The following TSHZ1 variants were observed in gnomAD, a reference collection of about 807,000 sequenced individuals.
The protein encoded by TSHZ1 is teashirt homolog 1.
A neutral mutation model predicts 67.1 loss-of-function variants in TSHZ1; 12 were observed. The ratio of observed to expected loss-of-function variants is 0.18; its 90% CI spans 0.11 to 0.29. The LOEUF is 0.29. Among genes scored for constraint, TSHZ1 ranks in the 10% least tolerant of loss-of-function variants. The pLI, the probability that TSHZ1 is intolerant of heterozygous loss-of-function variation, is 1.00. For synonymous variants in TSHZ1, 632 were observed against 622.4 expected (o/e 1.02, Z -0.23); for missense variants, 1,305 against 1,413.9 (o/e 0.92, Z 1.23).
At chr18:75,278,488 G>T (rs1001970162) in intron 1 of TSHZ1, among the ~76,000 whole-genome samples, 3 of 152,166 alleles carry the variant, frequency 2.0e-5, no homozygotes. Context: ...AAACTCTGTT[G>T]ATTTTCAGTC....
chr18:75,276,873 C>A (rs1299231839), intron 1 of TSHZ1, among the ~76,000 whole-genome samples: 1 of 152,224 alleles, frequency 6.6e-6, no homozygotes, highest in Admixed American at 6.5e-5. Flanking sequence ...AACATCCATT[C>A]GTCTTTCACA....
chr18:75,230,619 G>T (rs2022985006), intron 1 of TSHZ1, among the ~76,000 whole-genome samples: 1 of 152,200 alleles, frequency 6.6e-6, no homozygotes, highest in Non-Finnish European at 1.5e-5. Context: ...CCCAGCAGCT[G>T]TTTGCTTTGA....
intron 1 of TSHZ1, chr18:75,284,668 T>A (rs2023728092): frequency 6.6e-6 from 1 of 152,338 alleles, no homozygotes; most frequent in South Asian, 2.1e-4. Flanking sequence ...TGTGTCTGGC[T>A]GCCTTCACCG....
Position 75,289,576 on chromosome 18 carries a change from C to T in TSHZ1, c.*935C>T, listed in dbSNP as rs962149696. 7 of 167,042 alleles carry T rather than the reference C, an allele frequency of 4.2e-5. No individual in the cohort carries two copies. Among genetic ancestry groups the T allele is most frequent in the South Asian group, 2.1e-4 (1 of 4,824 alleles). 10.3% of individuals were successfully genotyped at this position (167,042 alleles called of 1,614,324 possible). On this transcript the variant is annotated 3_prime_UTR_variant, in exon 2 of 2. Coordinates refer to ENST00000580243, the MANE Select transcript of TSHZ1 (RefSeq NM_001308210.2). The stretch of plus-strand genomic sequence containing the variant: ...TTAAAAACTCCTGTATGTTACATAT[C>T]GTACCATTTTAATCTCTTCAACTTT...
At position 75,211,519 on chromosome 18, in the gene TSHZ1, G is replaced by C. The variant is rs970448728; in HGVS notation, c.-358G>C. The C allele has an allele frequency of 1.5e-3, 217 of 145,906 alleles. 2 individuals carry two copies. The highest frequency in any genetic ancestry group is 5.2e-3 in the African/African-American group (211 of 40,540). 9.0% of individuals were successfully genotyped at this position (145,906 alleles called of 1,614,324 possible). A position where few individuals can be genotyped will look rare whatever the true frequency, so the allele number is the denominator to read the frequency against. ...CCGCCCAGCAGCAGCGCGGCGGCGG[G>C]GAGGCGGCAGCATGGAGCGCGGGCC... On this transcript the variant is annotated 5_prime_UTR_variant, in exon 1 of 2. Coordinates refer to ENST00000580243, the MANE Select transcript of TSHZ1 (RefSeq NM_001308210.2).
Position 75,286,033 on chromosome 18 carries a change from A to G in TSHZ1, c.626A>G (p.Gln209Arg). Residue 209 changes from glutamine (Q) to arginine (R), a missense_variant, in exon 2 of 2, where the codon CAG (glutamine) becomes CGG (arginine). Gln to Arg is a conservative substitution (Grantham distance 43). This residue lies in a region of TSHZ1 where 358 missense variants were observed against 375.6 expected (regional missense o/e 0.95). Coordinates refer to ENST00000580243, the MANE Select transcript of TSHZ1 (RefSeq NM_001308210.2). This position sits in a 1 kb window ranked among gnomAD's most constrained non-coding sequence, Gnocchi z 5.1. ...CAGGCTGCACTGGCCAAGACGCTGC[A>G]GCAGACGTCCTCGTATGGGCTGCTT... ...WHQAALAKTL[Q>R]QTSSYGLLPE... 1 of 1,612,700 alleles carries G rather than the reference A, an allele frequency of 6.2e-7. No individual in the cohort carries two copies. The highest frequency in any genetic ancestry group is 8.5e-7 in the Non-Finnish European group (1 of 1,179,620).
At position 75,286,246 on chromosome 18, in the gene TSHZ1, C is replaced by T. The variant is rs1209433853; in HGVS notation, c.839C>T (p.Ser280Phe). The T allele has an allele frequency of 3.1e-6, 5 of 1,613,936 alleles. No individual in the cohort carries two copies. Among genetic ancestry groups the T allele is most frequent in the African/African-American group, 2.7e-5 (2 of 75,014 alleles). ...CGTGACGACAACAGGGACAAGGACT[C>T]CGAGAAGACCAAGAGGTGGTCCAAG... is the stretch of plus-strand genomic sequence containing the variant. ...HYRDDNRDKD[S>F]EKTKRWSKPR... Residue 280 changes from serine to phenylalanine, a missense_variant, in exon 2 of 2, where the codon TCC (serine) becomes TTC (phenylalanine). Ser to Phe is a radical substitution (Grantham distance 155). Transcript: ENST00000580243. This position sits in a 1 kb window ranked among gnomAD's most constrained non-coding sequence, Gnocchi z 5.1.
In TSHZ1 at chr18:75,241,493, G is replaced by T. The variant is rs951916729; in HGVS notation, c.40+29577G>T. Among the ~76,000 whole-genome samples the T allele has an allele frequency of 1.1e-4, 17 of 152,088 alleles. No homozygotes were observed. The East Asian group carries it at 1.2e-3, about 10-fold the overall frequency. On this transcript the variant is annotated intron_variant, in intron 1 of 1. Coordinates refer to ENST00000580243, the MANE Select transcript of TSHZ1 (RefSeq NM_001308210.2). ...CGGGCCGGGGGTTGGCGGGATGTGC[G>T]TCTGTGCCTGCAGGTGGGCAAGGAA...
Position 75,286,167 on chromosome 18 carries a change from G to A in TSHZ1, c.760G>A (p.Ala254Thr), listed in dbSNP as rs2023758571. Residue 254 changes from alanine (A) to threonine (T), a missense_variant, in exon 2 of 2, where the codon GCG becomes ACG. By Grantham distance (58) the Ala-to-Thr change is moderately conservative. This residue lies in a region of TSHZ1 where 358 missense variants were observed against 375.6 expected (regional missense o/e 0.95). Coordinates refer to ENST00000580243, the MANE Select transcript of TSHZ1 (RefSeq NM_001308210.2). The surrounding 1 kb of genome is among the most constrained non-coding windows in gnomAD (Gnocchi z 5.1). Reference protein sequence around the residue: ...SKFRCKDCSAAYDTLVELTVH... With the variant: ...SKFRCKDCSATYDTLVELTVH... ...GTTCCGGTGCAAAGACTGCAGTGCC[G>A]CGTACGACACGCTGGTGGAACTGAC... 36 of 1,614,044 alleles carry A rather than the reference G, an allele frequency of 2.2e-5. No individual in the cohort carries two copies. The highest frequency in any genetic ancestry group is 2.8e-5 in the Non-Finnish European group (33 of 1,179,986).
chr18:75,219,391 G>A (rs2022815981), intron 1 of TSHZ1, among the ~76,000 whole-genome samples: 1 of 152,168 alleles, frequency 6.6e-6, no homozygotes, highest in African/African-American at 2.4e-5. Flanking sequence ...ATTTTGAAAA[G>A]CAATGAATAT....
In TSHZ1 at chr18:75,287,304, A is replaced by C. The variant is rs2094116945; in HGVS notation, c.1897A>C (p.Lys633Gln). ...SPGSLTPPPH[K>Q]SNVSAMEELV... The stretch of plus-strand genomic sequence containing the variant: ...AGGGAGCCTCACGCCCCCACCGCAC[A>C]AGAGCAACGTGTCTGCCATGGAGGA... Residue 633 changes from lysine to glutamine, a missense_variant, in exon 2 of 2, where the codon AAG becomes CAG. Around this residue, in one of 3 missense-constraint regions of TSHZ1, gnomAD observed 909 missense variants for 961.8 expected, o/e 0.95. Coordinates refer to ENST00000580243, the MANE Select transcript of TSHZ1 (RefSeq NM_001308210.2). The surrounding 1 kb of genome is among the most constrained non-coding windows in gnomAD (Gnocchi z 5.0). 1 of 1,614,006 alleles carries C rather than the reference A, an allele frequency of 6.2e-7. No individual in the cohort carries two copies. The highest frequency in any genetic ancestry group is 1.3e-5 in the African/African-American group (1 of 74,934).
At chr18:75,224,961 C>T (rs945780616) in intron 1 of TSHZ1, among the ~76,000 whole-genome samples, 3 of 151,984 alleles carry the variant, frequency 2.0e-5, no homozygotes, top group Admixed American at 1.3e-4. Flanking sequence ...TGGAGGAAGT[C>T]GCCGTCATGA....
chr18:75,273,207 C>T (rs996766595), intron 1 of TSHZ1, among the ~76,000 whole-genome samples: 40 of 152,156 alleles, frequency 2.6e-4, no homozygotes, highest in African/African-American at 9.4e-4. Context: ...CACAGAGCAG[C>T]GATAACAGTG....
rs2023797431 is a variant in TSHZ1, at chr18:75,287,661, A to G, written c.2254A>G (p.Ile752Val). The part of the protein sequence containing the change: ...FINPLSALQS[I>V]MNTHLGKVSK... ...CAACCCGCTGAGCGCTTTGCAGTCC[A>G]TCATGAACACCCACCTGGGCAAGGT... is the stretch of plus-strand genomic sequence containing the variant. Residue 752 changes from isoleucine (I) to valine (V), a missense_variant, in exon 2 of 2, where the codon ATC becomes GTC. Physicochemically the swap from Ile to Val is conservative, Grantham distance 29 (BLOSUM62 3). Around this residue, in one of 3 missense-constraint regions of TSHZ1, gnomAD observed 909 missense variants for 961.8 expected, o/e 0.95. Coordinates refer to ENST00000580243, the MANE Select transcript of TSHZ1 (RefSeq NM_001308210.2). This position sits in a 1 kb window ranked among gnomAD's most constrained non-coding sequence, Gnocchi z 5.0. The G allele has an allele frequency of 5.0e-6, 8 of 1,614,194 alleles. No homozygotes were observed. Among genetic ancestry groups the G allele is most frequent in the South Asian group, 4.4e-5 (4 of 91,076 alleles).
rs759344933 is a variant in TSHZ1, at chr18:75,286,489, C to A, written c.1082C>A (p.Pro361His). The A allele has an allele frequency of 4.7e-5, 76 of 1,614,104 alleles. No individual in the cohort carries two copies. In the Admixed American group the frequency reaches 1.2e-3, roughly 27 times the overall value. Residue 361 changes from proline to histidine, a missense_variant, in exon 2 of 2, where the codon CCC (proline) becomes CAC (histidine). Around this residue, in one of 3 missense-constraint regions of TSHZ1, gnomAD observed 909 missense variants for 961.8 expected, o/e 0.95. Coordinates refer to ENST00000580243, the MANE Select transcript of TSHZ1 (RefSeq NM_001308210.2). The surrounding 1 kb of genome is among the most constrained non-coding windows in gnomAD (Gnocchi z 5.1). The part of the protein sequence containing the change: ...TKKRALQDLA[P>H]PCSPEPAGMA... Reference sequence around the variant, plus strand: ...AAGCGGGCGCTTCAGGACCTGGCGCCCCCCTGCTCCCCTGAGCCAGCAGGA... The same window carrying A: ...AAGCGGGCGCTTCAGGACCTGGCGCACCCCTGCTCCCCTGAGCCAGCAGGA...
At chr18:75,237,103 G>A (rs2023082706) in intron 1 of TSHZ1, among the ~76,000 whole-genome samples, 1 of 152,178 alleles carries the variant, frequency 6.6e-6, no homozygotes, top group Admixed American at 6.5e-5. Context: ...AGTTTCTTCA[G>A]ACGTGTCAAC....
intron 1 of TSHZ1, among the ~76,000 whole-genome samples, chr18:75,249,757 T>C (rs1208591423): frequency 1.4e-5 from 2 of 147,276 alleles, no homozygotes; most frequent in Admixed American, 1.3e-4. Context: ...CTGCAGTAGG[T>C]GGGGGGAGGT....
chr18:75,217,363 C>T lies in TSHZ1; in HGVS notation c.40+5447C>T, dbSNP rs138221305. Among the ~76,000 whole-genome samples, 205 of 152,076 alleles carry T rather than the reference C, an allele frequency of 1.3e-3. 1 individual carries two copies. The highest frequency in any genetic ancestry group is 4.8e-3 in the African/African-American group (198 of 41,454). ...ATCGAATAATAGAACTAGTTTGTCC[C>T]CTCTCCCCTCCTCCAAGGGTTTTTT... On this transcript the variant is annotated intron_variant, in intron 1 of 1. Transcript: ENST00000580243.
intron 1 of TSHZ1, among the ~76,000 whole-genome samples, chr18:75,221,977 A>G (rs754272703): frequency 1.3e-5 from 2 of 152,212 alleles, no homozygotes; most frequent in African/African-American, 2.4e-5. Context: ...GGAAGCTGCT[A>G]TAACTCTAGA....
Sources: gnomAD v4.1 joint callset for allele counts (sites outside exome capture counted in the v4.1 genomes callset) on GRCh38, gnomAD v4.1.1 for gene constraint, gnomAD v4.1.1 regional missense constraint, Gnocchi (gnomAD v3.1) non-coding constraint, MANE v1.5 for transcripts, NCBI Gene and HGNC (gene_info 2026-07-23, HGNC 2026-07-21) for gene names.